CPQ: variants seen among roughly 807,000 people sequenced by gnomAD.
CPQ encodes the protein Ser-Met dipeptidase.
A neutral mutation model predicts 45.7 loss-of-function variants in CPQ; 37 were observed. The observed-to-expected ratio is 0.81, with a 90% CI of 0.62 to 1.07. The LOEUF is 1.07. Ranked by LOEUF, CPQ falls within the 50% of genes least tolerant of loss-of-function variation. The probability of loss-of-function intolerance (pLI) is 0.00; values close to 1 mark genes in which losing one functional copy is unlikely to be tolerated. For synonymous variants in CPQ, 186 were observed against 205.8 expected, an observed-to-expected ratio of 0.90 and a Z score of 0.82; for missense variants, 537 against 572.9, an observed-to-expected ratio of 0.94 and a Z score of 0.64.
chr8:97,129,499 T>G (rs1811903826), intron 7 of CPQ, among the ~76,000 whole-genome samples: 1 of 152,126 alleles, frequency 6.6e-6, no homozygotes, highest in Admixed American at 6.5e-5. Context: ...TAGAAAGTAC[T>G]TAGTAAATCC....
intron 4 of CPQ, among the ~76,000 whole-genome samples, chr8:96,927,819 CCTG>C (rs1554578202): frequency 6.6e-6 from 1 of 152,022 alleles, no homozygotes; most frequent in Non-Finnish European, 1.5e-5. Flanking sequence ...CCTTTTTTTG[CCTG>C]CTTAGATTTC....
At chr8:96,649,830 C>T (rs957781975) in intron 1 of CPQ, among the ~76,000 whole-genome samples, 34 of 152,202 alleles carry the variant, frequency 2.2e-4, no homozygotes, top group Non-Finnish European at 4.3e-4. Context: ...CATTATATTT[C>T]AGGCAAGTTA....
At chr8:96,823,364 T>C (rs1811335449) in intron 2 of CPQ, among the ~76,000 whole-genome samples, 1 of 151,986 alleles carries the variant, frequency 6.6e-6, no homozygotes, top group Non-Finnish European at 1.5e-5. Flanking sequence ...GCAAATAACT[T>C]TCTTATGGGA....
chr8:96,665,700 A>G (rs140733392), intron 1 of CPQ, among the ~76,000 whole-genome samples: 133 of 152,310 alleles, frequency 8.7e-4, no homozygotes, highest in African/African-American at 3.2e-3. Flanking sequence ...GGGTTCAAAT[A>G]TGATATGGGC....
intron 1 of CPQ, among the ~76,000 whole-genome samples, chr8:96,744,830 A>G (rs1810153588): frequency 6.6e-6 from 1 of 152,148 alleles, no homozygotes; most frequent in Non-Finnish European, 1.5e-5. Flanking sequence ...TTAATATTAT[A>G]TTTGGATTCA....
intron 1 of CPQ, among the ~76,000 whole-genome samples, chr8:96,672,193 T>C (rs1439245077): frequency 6.6e-6 from 1 of 152,184 alleles, no homozygotes; most frequent in Non-Finnish European, 1.5e-5. Flanking sequence ...AGGGAGTTAA[T>C]AAATACTTTG....
intron 1 of CPQ, among the ~76,000 whole-genome samples, chr8:96,773,480 A>G (rs1810571295): frequency 6.6e-6 from 1 of 152,170 alleles, no homozygotes; most frequent in African/African-American, 2.4e-5. Flanking sequence ...GAAAGGATTA[A>G]AGGGAACTTT....
intron 1 of CPQ, among the ~76,000 whole-genome samples, chr8:96,700,259 C>T (rs540023753): frequency 7.9e-5 from 12 of 152,028 alleles, no homozygotes; most frequent in East Asian, 3.9e-4. Context: ...GACAATGGAC[C>T]GCAGGTAAGA....
At chr8:96,774,108 T>C (rs1810578380) in intron 1 of CPQ, among the ~76,000 whole-genome samples, 1 of 151,846 alleles carries the variant, frequency 6.6e-6, no homozygotes, top group Non-Finnish European at 1.5e-5. Flanking sequence ...CCATCTCTAC[T>C]AAAAATAGAA....
chr8:96,805,712 C>G (rs564974380), intron 2 of CPQ, among the ~76,000 whole-genome samples: 20 of 151,976 alleles, frequency 1.3e-4, no homozygotes, highest in Non-Finnish European at 2.8e-4. Flanking sequence ...AGACTTTCAC[C>G]CCACTGTAAC....
chr8:97,047,889 C>G (rs930128178), intron 6 of CPQ, among the ~76,000 whole-genome samples: 45 of 152,256 alleles, frequency 3.0e-4, no homozygotes, highest in Admixed American at 2.7e-3. Flanking sequence ...CCTTCATCTT[C>G]AAATAAAAGT....
chr8:97,001,323 AT>A (rs1443372424), intron 5 of CPQ, among the ~76,000 whole-genome samples: 1 of 151,272 alleles, frequency 6.6e-6, no homozygotes, highest in Non-Finnish European at 1.5e-5. Flanking sequence ...GTGAAATCTG[AT>A]TTTCAAGGGG....
chr8:96,860,069 A>G (rs1430533733), intron 3 of CPQ, among the ~76,000 whole-genome samples: 1 of 152,110 alleles, frequency 6.6e-6, no homozygotes, highest in Admixed American at 6.6e-5. Context: ...AAACAGTTCT[A>G]CTAGTAACAT....
intron 4 of CPQ, among the ~76,000 whole-genome samples, chr8:96,956,378 G>A (rs1470519675): frequency 6.6e-6 from 1 of 152,036 alleles, no homozygotes. Context: ...ATCATTTTCG[G>A]ACCATTTTTT....
chr8:96,745,114 C>T (rs1398006901), intron 1 of CPQ, among the ~76,000 whole-genome samples: 1 of 152,092 alleles, frequency 6.6e-6, no homozygotes, highest in Non-Finnish European at 1.5e-5. Context: ...TCGAGACTAG[C>T]CTGACCAACA....
intron 4 of CPQ, among the ~76,000 whole-genome samples, chr8:96,881,623 G>A (rs1024862953): frequency 2.0e-5 from 3 of 152,134 alleles, no homozygotes; most frequent in African/African-American, 7.2e-5. Context: ...AATTACCCAA[G>A]GTCCACACAG....
chr8:96,737,355 G>GATATATATATAT lies in CPQ; in HGVS notation c.-34-47506_-34-47495dup, dbSNP rs372241683. On this transcript the variant is annotated intron_variant, in intron 1 of 7. Coordinates refer to ENST00000220763, the MANE Select transcript of CPQ (RefSeq NM_016134.4). ...ACACACTCACACAGAACTAATAGGA[G>GATATATATATAT]ATATATATATATATGAGTTTATTAA... Among the ~76,000 whole-genome samples, 572 of 117,978 alleles carry GATATATATATAT rather than the reference G, an allele frequency of 4.8e-3. 22 individuals are homozygous for GATATATATATAT. Among genetic ancestry groups the GATATATATATAT allele is most frequent in the African/African-American group, 0.016 (473 of 30,106 alleles). 77.4% of individuals were successfully genotyped at this position (117,978 alleles called of 152,430 possible).
chr8:96,740,104 T>C (rs1810062029), intron 1 of CPQ, among the ~76,000 whole-genome samples: 1 of 152,056 alleles, frequency 6.6e-6, no homozygotes, highest in African/African-American at 2.4e-5. Context: ...GCATGGAATG[T>C]TCTTCCATTT....
intron 7 of CPQ, among the ~76,000 whole-genome samples, chr8:97,080,327 A>G (rs1216668185): frequency 6.6e-6 from 1 of 151,990 alleles, no homozygotes; most frequent in Admixed American, 6.6e-5. Context: ...TTGGAGTCAA[A>G]TAAGTCTTAG....
Sources: allele counts gnomAD v4.1 joint callset (sites outside exome capture counted in the v4.1 genomes callset), GRCh38; gene constraint gnomAD v4.1.1; transcripts MANE v1.5; gene names NCBI Gene and HGNC (gene_info 2026-07-23, HGNC 2026-07-21).